The following MS4A13 variants were observed in gnomAD, a reference collection of about 807,000 sequenced individuals.
The protein encoded by MS4A13 is membrane-spanning 4-domains subfamily A member 13.
Under a neutral mutation model 18.4 loss-of-function variants are expected in MS4A13, and 21 were observed. The observed-to-expected ratio is 1.14, with a 90% CI of 0.81 to 1.64. The LOEUF is 1.64. Ranked by LOEUF, MS4A13 falls within the 40% of genes most tolerant of loss-of-function variation. The pLI is 0.00. For missense variants in MS4A13, 173 were observed against 176.8 expected (o/e 0.98, Z 0.12); for synonymous variants, 62 against 57.2 (o/e 1.08, Z -0.38).
chr11:60,523,130 G>T (rs976957144), intron 3 of MS4A13, among the ~76,000 whole-genome samples: 7 of 152,186 alleles, frequency 4.6e-5, no homozygotes, highest in Non-Finnish European at 7.4e-5. Context: ...GTTGTGGAAT[G>T]AAGTGCTGAA....
chr11:60,528,242 C>T (rs1265190582), intron 5 of MS4A13, among the ~76,000 whole-genome samples: 1 of 152,176 alleles, frequency 6.6e-6, no homozygotes, highest in African/African-American at 2.4e-5. Context: ...CTATTAAACT[C>T]TTTCTGAAAC....
At chr11:60,516,217 A>G (rs1326622054) in intron 2 of MS4A13, 133 bp downstream of exon 2, 2 of 151,326 alleles carry the variant, frequency 1.3e-5, no homozygotes, top group Admixed American at 6.6e-5. Context: ...TCAAATGTTG[A>G]TTGTCTTCTA....
chr11:60,523,626 C>T (rs558717027), intron 3 of MS4A13, among the ~76,000 whole-genome samples: 83 of 152,288 alleles, frequency 5.5e-4, no homozygotes, highest in African/African-American at 1.9e-3. Context: ...ACTTGGTTCC[C>T]GGTCAGGACT....
chr11:60,531,379 C>A (rs902617593), intron 6 of MS4A13, among the ~76,000 whole-genome samples: 1 of 152,106 alleles, frequency 6.6e-6, no homozygotes, highest in African/African-American at 2.4e-5. Flanking sequence ...CCTACTTTTC[C>A]CCTGTAGTCT....
intron 5 of MS4A13, 72 bp from the exon 6 acceptor site, chr11:60,529,291 AGC>A: frequency 2.9e-6 from 1 of 346,338 alleles, no homozygotes; most frequent in Non-Finnish European, 5.2e-6. Flanking sequence ...TCATACCAGT[AGC>A]TCCTTCCATG....
intron 3 of MS4A13, among the ~76,000 whole-genome samples, chr11:60,521,955 A>G (rs2086676719): frequency 6.6e-6 from 1 of 152,182 alleles, no homozygotes; most frequent in Admixed American, 6.5e-5. Flanking sequence ...AAGGAGGAGC[A>G]AGTCACATCT....
In MS4A13 at chr11:60,525,253, T is replaced by C. The variant is rs777072328; in HGVS notation, c.233T>C (p.Ile78Thr). The change falls in exon 5 of 7, where the codon ATT (isoleucine) becomes ACT (threonine). Residue 78 changes from isoleucine (I) to threonine (T), a missense_variant. Physicochemically the swap from Ile to Thr is moderately conservative, Grantham distance 89. Coordinates refer to ENST00000378186, the MANE Select transcript of MS4A13 (RefSeq NM_001012417.3). ...AACATCATCTGCATAATTACTACAA[T>C]TACTGCAGTAACTCTAACAATAATA... ...IINIICIITT[I>T]TAVTLTIIEL... 1 of 1,574,618 alleles carries C rather than the reference T, an allele frequency of 6.4e-7. No individual in the cohort carries two copies. The highest frequency in any genetic ancestry group is 8.7e-7 in the Non-Finnish European group (1 of 1,146,210).
chr11:60,520,693 T>G (rs2135249337), intron 3 of MS4A13, among the ~76,000 whole-genome samples: 1 of 152,342 alleles, frequency 6.6e-6, no homozygotes, highest in East Asian at 1.9e-4. Context: ...ATCTGGCTGT[T>G]TTCACAGGCT....
chr11:60,543,370 C>T (rs145853904), downstream of MS4A13, among the ~76,000 whole-genome samples: 21 of 152,012 alleles, frequency 1.4e-4, no homozygotes, highest in East Asian at 2.9e-3. Flanking sequence ...TTCAGATTGT[C>T]TACTGTATGC....
intron 4 of MS4A13, 31 bp from the exon 5 acceptor site, chr11:60,525,176 A>G (rs373073204): frequency 6.7e-7 from 1 of 1,494,740 alleles, no homozygotes; most frequent in South Asian, 1.1e-5. Flanking sequence ...TATTCTGAAT[A>G]TAATAAATTT....
Position 60,518,155 on chromosome 11 carries a change from C to T in MS4A13, c.72C>T (p.Ala24=), listed in dbSNP as rs2086649873. Residue 24 remains alanine (A), a synonymous_variant, in exon 3 of 7, where the codon GCC becomes GCT. Coordinates refer to ENST00000378186, the MANE Select transcript of MS4A13 (RefSeq NM_001012417.3). ...LVLYMGQIKG[A]FGTYEPVTYK... ...TGTATATGGGACAAATTAAAGGAGC[C>T]TTTGGAACGTATGAACCTGTAACTT... 6.2e-7 allele frequency: 1 copy of T among 1,612,028 alleles called. No individual in the cohort carries two copies. Among genetic ancestry groups the T allele is most frequent in the Non-Finnish European group, 8.5e-7 (1 of 1,178,700 alleles).
intron 4 of MS4A13, among the ~76,000 whole-genome samples, chr11:60,524,210 A>C (rs1290953330): frequency 6.6e-6 from 1 of 152,196 alleles, no homozygotes; most frequent in Non-Finnish European, 1.5e-5. Context: ...CTGCCTTTTA[A>C]CATTGTGTAA....
At chr11:60,525,397 A>T in intron 5 of MS4A13, 71 bp downstream of exon 5, 1 of 1,018,468 alleles carries the variant, frequency 9.8e-7, no homozygotes. Context: ...AAATCTTAGG[A>T]GGTAAGATGA....
intron 2 of MS4A13, 69 bp downstream of exon 2, chr11:60,516,153 G>A (rs1045282539): frequency 2.6e-5 from 4 of 151,730 alleles, no homozygotes; most frequent in Admixed American, 2.6e-4. Flanking sequence ...GGATATATTG[G>A]ATCTAAAGGG....
rs2086748631 is a variant in MS4A13, at chr11:60,529,545, C to T, written c.402+85C>T. 4 of 619,526 alleles carry T rather than the reference C, an allele frequency of 6.5e-6. No homozygotes were observed. The South Asian group carries it at 1.0e-4, about 16-fold the overall frequency. 38.4% of individuals were successfully genotyped at this position (619,526 alleles called of 1,614,324 possible). A position where few individuals can be genotyped will look rare whatever the true frequency, so the allele number is the denominator to read the frequency against. ...TATGAGAAGATGAAGTGCACTGATACAAAATATTTAGAACTAATATAAATG... is the reference window on the plus strand; with the variant it reads ...TATGAGAAGATGAAGTGCACTGATATAAAATATTTAGAACTAATATAAATG... On this transcript the variant is annotated intron_variant, in intron 6 of 6. Coordinates refer to ENST00000378186, the MANE Select transcript of MS4A13 (RefSeq NM_001012417.3).
chr11:60,517,540 G>A (rs1285789922), intron 2 of MS4A13, among the ~76,000 whole-genome samples: 1 of 151,950 alleles, frequency 6.6e-6, no homozygotes, highest in East Asian at 1.9e-4. Context: ...GATATTTTCT[G>A]TATTGCTGTG....
intron 3 of MS4A13, 111 bp downstream of exon 3, chr11:60,518,323 T>A: frequency 2.5e-6 from 2 of 793,732 alleles, no homozygotes; most frequent in Non-Finnish European, 3.8e-6. Flanking sequence ...ATTATGTAAC[T>A]AAATCCCATG....
intron 6 of MS4A13, among the ~76,000 whole-genome samples, chr11:60,538,271 T>C (rs1040934559): frequency 6.7e-6 from 1 of 148,878 alleles, no homozygotes; most frequent in Non-Finnish European, 1.5e-5. Context: ...CGATGGGGCA[T>C]AGATGAGGCA....
intron 6 of MS4A13, among the ~76,000 whole-genome samples, chr11:60,539,498 A>G (rs1258855348): frequency 6.6e-6 from 1 of 152,080 alleles, no homozygotes; most frequent in African/African-American, 2.4e-5. Flanking sequence ...TTGAGATACC[A>G]TCACATGTAT....
Sources: allele counts gnomAD v4.1 joint callset (sites outside exome capture counted in the v4.1 genomes callset), GRCh38; gene constraint gnomAD v4.1.1; transcripts MANE v1.5; gene names NCBI Gene and HGNC (gene_info 2026-07-23, HGNC 2026-07-21).